The following PTPRT variants were observed in gnomAD, a reference collection of about 807,000 sequenced individuals.
The protein encoded by PTPRT is protein tyrosine phosphatase receptor type T, also known as receptor-type tyrosine-protein phosphatase T.
Under a neutral mutation model 176.8 loss-of-function variants are expected in PTPRT, and 56 were observed. That is an observed-to-expected ratio of 0.32 (90% CI 0.26 to 0.40). The LOEUF (loss-of-function observed/expected upper bound fraction) is 0.40. Among genes scored for constraint, PTPRT ranks in the 10% least tolerant of loss-of-function variants. The probability of loss-of-function intolerance (pLI) is 1.00; values close to 1 mark genes in which losing one functional copy is unlikely to be tolerated. For missense variants in PTPRT, 1,540 were observed against 1,908.2 expected, an observed-to-expected ratio of 0.81 and a Z score of 3.60; for synonymous variants, 783 against 739.0, an observed-to-expected ratio of 1.06 and a Z score of -0.96.
At chr20:43,078,405 C>T (rs2011337324) in intron 1 of PTPRT, among the ~76,000 whole-genome samples, 1 of 152,130 alleles carries the variant, frequency 6.6e-6, no homozygotes, top group African/African-American at 2.4e-5. Context: ...CGAACACAGC[C>T]CAGCTTGGGC....
At chr20:43,180,697 A>G in intron 1 of PTPRT, among the ~76,000 whole-genome samples, 1 of 152,186 alleles carries the variant, frequency 6.6e-6, no homozygotes, top group Admixed American at 6.5e-5. Context: ...TACTAACCTC[A>G]GGTGATCCGC....
At chr20:42,690,374 G>A (rs906569180) in intron 6 of PTPRT, among the ~76,000 whole-genome samples, 1 of 152,196 alleles carries the variant, frequency 6.6e-6, no homozygotes, top group African/African-American at 2.4e-5. Context: ...CAATTACATT[G>A]AGGAAAGAAA....
At chr20:42,135,952 TCA>T (rs1988352779) in intron 18 of PTPRT, among the ~76,000 whole-genome samples, 2 of 152,160 alleles carry the variant, frequency 1.3e-5, no homozygotes, top group Non-Finnish European at 2.9e-5. Flanking sequence ...CTCTAAGTTC[TCA>T]GTCTCCAACA....
chr20:42,724,718 A>G (rs2146243672), intron 6 of PTPRT, among the ~76,000 whole-genome samples: 1 of 152,292 alleles, frequency 6.6e-6, no homozygotes, highest in Middle Eastern at 3.4e-3. Context: ...GGATCACTTG[A>G]GGCCAGGAGC....
chr20:42,995,321 C>G (rs769060811), intron 1 of PTPRT, among the ~76,000 whole-genome samples: 1 of 152,102 alleles, frequency 6.6e-6, no homozygotes, highest in Non-Finnish European at 1.5e-5. Context: ...GAAATAACCC[C>G]ACTGATTCTG....
In PTPRT at chr20:42,073,623, T is replaced by C. The variant is rs1286763988; in HGVS notation, c.*7256A>G. 9.7e-6 allele frequency: 2 copies of C among 206,990 alleles called. No individual in the cohort carries two copies. The highest frequency in any genetic ancestry group is 1.9e-5 in the Non-Finnish European group (2 of 106,034). 12.8% of individuals were successfully genotyped at this position (206,990 alleles called of 1,614,324 possible). A position where few individuals can be genotyped will look rare whatever the true frequency, so the allele number is the denominator to read the frequency against. ...GAGATCTACATGGGTATTGGGTCTA[T>C]GGCAAAGCAGCTGTTCCCTATGGTT... On this transcript the variant is annotated 3_prime_UTR_variant, in exon 31 of 31. Transcript: ENST00000373187.
intron 7 of PTPRT, among the ~76,000 whole-genome samples, chr20:42,490,466 A>T (rs1031766370): frequency 6.6e-6 from 1 of 152,080 alleles, no homozygotes; most frequent in African/African-American, 2.4e-5. Context: ...TAAATATTTG[A>T]TCATTTGTAT....
At chr20:43,029,545 T>C (rs1986052055) in intron 1 of PTPRT, among the ~76,000 whole-genome samples, 1 of 152,234 alleles carries the variant, frequency 6.6e-6, no homozygotes, top group African/African-American at 2.4e-5. Flanking sequence ...GATCGGGGTA[T>C]CACTTGTATA....
chr20:43,065,231 A>G lies in PTPRT; in HGVS notation c.88+124415T>C, dbSNP rs140613212. Among the ~76,000 whole-genome samples, 264 of 152,346 alleles carry G rather than the reference A, an allele frequency of 1.7e-3. 2 individuals carry two copies. The highest frequency in any genetic ancestry group is 8.5e-3 in the South Asian group (41 of 4,828). On this transcript the variant is annotated intron_variant, in intron 1 of 30. Coordinates refer to ENST00000373187, the MANE Select transcript of PTPRT (RefSeq NM_007050.6). ...AACGTTTTCTCTGCGTTCATGCCAC[A>G]GTCCAATATAGATTCACAGATCTAG...
chr20:42,653,795 G>A (rs140522564), intron 7 of PTPRT, among the ~76,000 whole-genome samples: 4 of 152,230 alleles, frequency 2.6e-5, no homozygotes, highest in African/African-American at 4.8e-5. Flanking sequence ...CTTGATCTGC[G>A]AGGAAAACTA....
chr20:42,265,885 T>C (rs1259888968), intron 13 of PTPRT, among the ~76,000 whole-genome samples: 1 of 152,068 alleles, frequency 6.6e-6, no homozygotes, highest in African/African-American at 2.4e-5. Context: ...CCTGGGAAAG[T>C]TGCTTTAAGG....
chr20:42,503,540 G>A (rs1431297047), intron 7 of PTPRT, among the ~76,000 whole-genome samples: 2 of 151,972 alleles, frequency 1.3e-5, no homozygotes, highest in Admixed American at 6.6e-5. Flanking sequence ...AGAGAATATA[G>A]TTTGTGTGAT....
At chr20:42,815,699 T>A (rs1446770526) in intron 2 of PTPRT, among the ~76,000 whole-genome samples, 2 of 152,212 alleles carry the variant, frequency 1.3e-5, no homozygotes, top group Non-Finnish European at 2.9e-5. Flanking sequence ...AGTGGATTTT[T>A]AAAAGTGTTT....
At chr20:42,350,214 GTTTTTTT>G (rs764181357) in intron 11 of PTPRT, among the ~76,000 whole-genome samples, 1 of 58,290 alleles carries the variant, frequency 1.7e-5, no homozygotes, top group Non-Finnish European at 3.3e-5. Context: ...GATGTTTCTT[GTTTTTTT>G]TTTTTTTTTT....
At chr20:42,257,656 C>CCCG (rs1379631907) in intron 13 of PTPRT, among the ~76,000 whole-genome samples, 44 of 99,056 alleles carry the variant, frequency 4.4e-4, no homozygotes, top group African/African-American at 1.9e-3. Flanking sequence ...CCCCCCCCCC[C>CCCG]GCCCACTACT....
intron 1 of PTPRT, among the ~76,000 whole-genome samples, chr20:43,012,978 T>G (rs1444983308): frequency 6.6e-6 from 1 of 151,892 alleles, no homozygotes; most frequent in Non-Finnish European, 1.5e-5. Context: ...CCATAAATCA[T>G]TCACAGGAAT....
intron 27 of PTPRT, among the ~76,000 whole-genome samples, chr20:42,093,792 A>G (rs973314086): frequency 1.4e-4 from 21 of 152,336 alleles, no homozygotes; most frequent in Middle Eastern, 6.8e-3. Flanking sequence ...CGCCGCTTCA[A>G]AGAACCGCCC....
chr20:42,863,386 C>G (rs1272554485), intron 2 of PTPRT, among the ~76,000 whole-genome samples: 10 of 152,182 alleles, frequency 6.6e-5, no homozygotes, highest in Non-Finnish European at 1.2e-4. Context: ...TGAGGTCCAT[C>G]CAGGTGCTAC....
intron 1 of PTPRT, among the ~76,000 whole-genome samples, chr20:42,956,096 G>T (rs544596950): frequency 6.6e-6 from 1 of 152,270 alleles, no homozygotes; most frequent in South Asian, 2.1e-4. Flanking sequence ...GCATGTACAG[G>T]TTGTGACACT....
Sources: gnomAD v4.1 joint callset for allele counts (sites outside exome capture counted in the v4.1 genomes callset) on GRCh38, gnomAD v4.1.1 for gene constraint, MANE v1.5 for transcripts, NCBI Gene and HGNC (gene_info 2026-07-23, HGNC 2026-07-21) for gene names.